Variants in MAP3K5 observed in about 807,000 individuals in gnomAD.
MAP3K5 encodes ASK-1.
Under a neutral mutation model 158.7 loss-of-function variants are expected in MAP3K5, and 56 were observed. The ratio of observed to expected loss-of-function variants is 0.35; its 90% confidence interval spans 0.28 to 0.44. MAP3K5 has a LOEUF of 0.44. Among genes scored for constraint, MAP3K5 ranks in the 20% least tolerant of loss-of-function variants. The pLI, the probability that MAP3K5 is intolerant of heterozygous loss-of-function variation, is 1.00. For synonymous variants in MAP3K5, 579 were observed against 601.7 expected, an observed-to-expected ratio of 0.96 and a Z score of 0.55; for missense variants, 1,294 against 1,674.8, an observed-to-expected ratio of 0.77 and a Z score of 3.97.
At chr6:136,581,318 A>G (rs1287740605) in intron 24 of MAP3K5, among the ~76,000 whole-genome samples, 4 of 152,168 alleles carry the variant, frequency 2.6e-5, no homozygotes, top group Non-Finnish European at 5.9e-5. Flanking sequence ...AGCTTGAATT[A>G]TATTCCATTG....
intron 14 of MAP3K5, among the ~76,000 whole-genome samples, chr6:136,629,716 A>T (rs1467170086): frequency 6.6e-6 from 1 of 151,980 alleles, no homozygotes; most frequent in Non-Finnish European, 1.5e-5. Context: ...GGTCTCCCAA[A>T]GTGCTGAGAT....
At chr6:136,657,130 G>A (rs1170352358) in intron 9 of MAP3K5, among the ~76,000 whole-genome samples, 1 of 152,156 alleles carries the variant, frequency 6.6e-6, no homozygotes, top group Non-Finnish European at 1.5e-5. Context: ...CTTCTTTGAG[G>A]AAGCTTTCCT....
At chr6:136,698,368 T>C (rs903907918) in intron 4 of MAP3K5, 121 bp downstream of exon 4, 5 of 740,878 alleles carry the variant, frequency 6.7e-6, no homozygotes, top group African/African-American at 1.8e-5. Context: ...ATAATAAACA[T>C]TTTCCCCCTA....
chr6:136,792,766 G>A (rs1264583114), upstream of MAP3K5, among the ~76,000 whole-genome samples: 3 of 152,174 alleles, frequency 2.0e-5, no homozygotes, highest in Non-Finnish European at 4.4e-5. The surrounding 1 kb of genome is among the most constrained non-coding windows in gnomAD (Gnocchi z 5.7). Context: ...CTCCTTGCCT[G>A]GCCTCGTTTC....
At chr6:136,719,740 C>T (rs1781672841) in intron 2 of MAP3K5, among the ~76,000 whole-genome samples, 1 of 152,158 alleles carries the variant, frequency 6.6e-6, no homozygotes, top group Non-Finnish European at 1.5e-5. Flanking sequence ...GAAAAAGCCA[C>T]ATGAAGCTAG....
intron 1 of MAP3K5, among the ~76,000 whole-genome samples, chr6:136,771,754 C>T (rs1784207631): frequency 6.6e-6 from 1 of 152,190 alleles, no homozygotes; most frequent in Non-Finnish European, 1.5e-5. Context: ...CAAGAACCCT[C>T]ATGGGCTAAG....
intron 20 of MAP3K5, 58 bp downstream of exon 20, chr6:136,601,744 T>A: frequency 1.3e-6 from 2 of 1,522,762 alleles, no homozygotes; most frequent in South Asian, 1.2e-5. Context: ...AATTCTTCCA[T>A]CTTAAAAGCT....
chr6:136,771,647 C>G (rs1251786431), intron 1 of MAP3K5, among the ~76,000 whole-genome samples: 1 of 152,168 alleles, frequency 6.6e-6, no homozygotes, highest in Non-Finnish European at 1.5e-5. Flanking sequence ...GGTAGGCGTG[C>G]TCTGAAGAAG....
chr6:136,656,489 A>T, intron 9 of MAP3K5, 29 bp from the exon 10 acceptor site: 1 of 1,466,902 alleles, frequency 6.8e-7, no homozygotes. Flanking sequence ...AAAACATGTA[A>T]CAGACAAATT....
intron 18 of MAP3K5, among the ~76,000 whole-genome samples, chr6:136,610,185 C>A (rs1776270430): frequency 6.6e-6 from 1 of 151,898 alleles, no homozygotes. Context: ...GAACTTAACA[C>A]TTCATGAGAA....
At chr6:136,637,244 C>T in intron 14 of MAP3K5, 81 bp downstream of exon 14, 1 of 1,305,714 alleles carries the variant, frequency 7.7e-7, no homozygotes, top group Non-Finnish European at 1.1e-6. Flanking sequence ...CCCTCATACA[C>T]CCTGCCTCCT....
rs1378934123 is a variant in MAP3K5, at chr6:136,613,366, GC to G, written c.2279-111del. 4 of 906,546 alleles carry G rather than the reference GC, an allele frequency of 4.4e-6. No homozygotes were observed. Among genetic ancestry groups the G allele is most frequent in the Non-Finnish European group, 6.4e-6 (4 of 623,100 alleles). The allele number at this position is 906,546 out of a possible 1,614,324, so 56.2% of individuals were successfully genotyped here. On this transcript the variant is annotated intron_variant, in intron 16 of 29. Transcript: ENST00000359015. The surrounding 1 kb of genome is among the most constrained non-coding windows in gnomAD (Gnocchi z 4.0). ...TAACAGTCATTGGTTCTTCACAGTG[GC>G]CCAGGAGCTATACTGGATATCGGGC...
intron 19 of MAP3K5, among the ~76,000 whole-genome samples, chr6:136,604,150 C>T (rs993807673): frequency 1.3e-5 from 2 of 151,932 alleles, no homozygotes; most frequent in Admixed American, 6.6e-5. Flanking sequence ...GGTGAAACCC[C>T]GTCTGTACTA....
At chr6:136,695,860 G>A in intron 6 of MAP3K5, 91 bp downstream of exon 6, 1 of 650,364 alleles carries the variant, frequency 1.5e-6, no homozygotes, top group Non-Finnish European at 2.6e-6. Context: ...GGGACTTCTT[G>A]CAATGCTGCA....
At chr6:136,715,850 G>A (rs1486445504) in intron 2 of MAP3K5, among the ~76,000 whole-genome samples, 1 of 151,538 alleles carries the variant, frequency 6.6e-6, no homozygotes, top group East Asian at 1.9e-4. Context: ...GGCCAACATG[G>A]CGAAACCCCG....
chr6:136,653,254 G>A (rs1035564906), intron 10 of MAP3K5, among the ~76,000 whole-genome samples: 1 of 152,010 alleles, frequency 6.6e-6, no homozygotes, highest in Non-Finnish European at 1.5e-5. Flanking sequence ...GATAAATGAT[G>A]GTACCATTCA....
chr6:136,755,487 G>A (rs868287522), intron 1 of MAP3K5, among the ~76,000 whole-genome samples: 13 of 152,104 alleles, frequency 8.5e-5, no homozygotes, highest in African/African-American at 2.9e-4. Flanking sequence ...CAGGAGGACC[G>A]CCTGAGCCCA....
chr6:136,700,985 A>G (rs1034734336), intron 3 of MAP3K5, among the ~76,000 whole-genome samples: 1 of 152,226 alleles, frequency 6.6e-6, no homozygotes, highest in Non-Finnish European at 1.5e-5. Flanking sequence ...ACAAACATGT[A>G]TTCACCATGT....
intron 12 of MAP3K5, among the ~76,000 whole-genome samples, chr6:136,640,580 A>G (rs1450558409): frequency 1.3e-5 from 2 of 152,172 alleles, no homozygotes; most frequent in Non-Finnish European, 2.9e-5. Context: ...GTGTCCTCTG[A>G]GTATACTTCT....
Sources: allele counts gnomAD v4.1 joint callset (sites outside exome capture counted in the v4.1 genomes callset), GRCh38; gene constraint gnomAD v4.1.1; non-coding constraint Gnocchi (gnomAD v3.1); transcripts MANE v1.5; gene names NCBI Gene and HGNC (gene_info 2026-07-23, HGNC 2026-07-21).